Variants in ATP8A1 observed in about 807,000 individuals in gnomAD.
ATP8A1 encodes phospholipid-transporting ATPase IA.
Under a neutral mutation model 177.7 loss-of-function variants are expected in ATP8A1, and 90 were observed. The observed-to-expected ratio is 0.51, with a 90% CI of 0.43 to 0.60. The LOEUF is 0.60. Ranked by LOEUF, ATP8A1 falls within the 20% of genes least tolerant of loss-of-function variation. The pLI, the probability that ATP8A1 is intolerant of heterozygous loss-of-function variation, is 0.00. For missense variants in ATP8A1, 1,072 were observed against 1,392.8 expected, an observed-to-expected ratio of 0.77 and a Z score of 3.67; for synonymous variants, 493 against 485.9, an observed-to-expected ratio of 1.01 and a Z score of -0.19.
intron 20 of ATP8A1, among the ~76,000 whole-genome samples, chr4:42,528,303 C>T (rs546856365): frequency 1.3e-5 from 2 of 152,262 alleles, no homozygotes; most frequent in South Asian, 4.1e-4. Flanking sequence ...GCCATGAGAG[C>T]TGCCTCTCCC....
At chr4:42,562,613 C>T (rs1730950450) in intron 15 of ATP8A1, among the ~76,000 whole-genome samples, 1 of 152,148 alleles carries the variant, frequency 6.6e-6, no homozygotes, top group Non-Finnish European at 1.5e-5. Context: ...AGTAATGAGG[C>T]CTGGTTTTCT....
intron 25 of ATP8A1, among the ~76,000 whole-genome samples, chr4:42,468,114 T>C (rs1466785380): frequency 6.6e-6 from 1 of 152,184 alleles, no homozygotes; most frequent in Non-Finnish European, 1.5e-5. Flanking sequence ...AGGGAACACT[T>C]CTACACCGCT....
chr4:42,583,126 A>G (rs1011089998), intron 9 of ATP8A1, among the ~76,000 whole-genome samples: 3 of 152,092 alleles, frequency 2.0e-5, no homozygotes, highest in Non-Finnish European at 4.4e-5. Context: ...CTGGCCCAGT[A>G]GGCTTGGAAG....
In ATP8A1 at chr4:42,588,392, A is replaced by C. The variant is rs377164398; in HGVS notation, c.525-63T>G. The C allele has an allele frequency of 6.6e-6, 9 of 1,367,726 alleles. No homozygotes were observed. The East Asian group carries it at 1.2e-4, about 18-fold the overall frequency. 84.7% of individuals were successfully genotyped at this position (1,367,726 alleles called of 1,614,324 possible). On this transcript the variant is annotated intron_variant, in intron 7 of 36. Transcript: ENST00000381668. ...GGGAAGAAAAGCATAATAATAACTT[A>C]TTTAAATGCTCAGACTCACTAAAGC...
intron 19 of ATP8A1, among the ~76,000 whole-genome samples, chr4:42,546,804 C>G (rs974144542): frequency 6.6e-6 from 1 of 152,212 alleles, no homozygotes; most frequent in African/African-American, 2.4e-5. Flanking sequence ...GTCTCCGACA[C>G]AGATGACCAC....
At chr4:42,513,713 G>C (rs1001968307) in intron 22 of ATP8A1, among the ~76,000 whole-genome samples, 1 of 152,208 alleles carries the variant, frequency 6.6e-6, no homozygotes, top group African/African-American at 2.4e-5. Flanking sequence ...AAAGGTCTGT[G>C]TGTTATGCTG....
chr4:42,620,527 T>C (rs976771764), intron 4 of ATP8A1, among the ~76,000 whole-genome samples: 2 of 152,162 alleles, frequency 1.3e-5, no homozygotes, highest in African/African-American at 4.8e-5. Context: ...CTAGAGAGAT[T>C]ATAGCTTTGC....
chr4:42,554,078 G>A (rs908696967), intron 16 of ATP8A1, among the ~76,000 whole-genome samples: 15 of 152,210 alleles, frequency 9.9e-5, no homozygotes, highest in African/African-American at 3.6e-4. Flanking sequence ...AGTGAAGAGA[G>A]AACGCAGAGA....
intron 6 of ATP8A1, among the ~76,000 whole-genome samples, chr4:42,595,191 G>A (rs1282393330): frequency 2.6e-5 from 4 of 151,918 alleles, no homozygotes; most frequent in African/African-American, 9.7e-5. Flanking sequence ...ATACTTAATA[G>A]ATGGAAAAAA....
At chr4:42,545,929 G>C (rs1225954390) in intron 19 of ATP8A1, among the ~76,000 whole-genome samples, 2 of 152,112 alleles carry the variant, frequency 1.3e-5, no homozygotes, top group Non-Finnish European at 2.9e-5. Flanking sequence ...AGCTGAGATC[G>C]AGCCACTGTA....
intron 25 of ATP8A1, 69 bp from the exon 26 acceptor site, chr4:42,465,145 A>C (rs1719600021): frequency 2.2e-6 from 3 of 1,371,874 alleles, no homozygotes; most frequent in Non-Finnish European, 3.0e-6. Flanking sequence ...ATCGTGTTGA[A>C]GGATAAAAGA....
intron 22 of ATP8A1, among the ~76,000 whole-genome samples, chr4:42,516,358 GA>G (rs112033575): frequency 0.088 from 13,420 of 151,820 alleles, 894 homozygotes; most frequent in African/African-American, 0.18. Flanking sequence ...ACCTATTTTA[GA>G]AAAACTTGAA....
At chr4:42,607,635 T>G (rs1330118555) in intron 5 of ATP8A1, among the ~76,000 whole-genome samples, 1 of 148,146 alleles carries the variant, frequency 6.8e-6, no homozygotes, top group African/African-American at 2.5e-5. Flanking sequence ...TCTACAGGTT[T>G]TTTTTTTTTT....
rs1484800099 is a variant in ATP8A1, at chr4:42,411,747, T to C, written c.*1169A>G. On this transcript the variant is annotated 3_prime_UTR_variant, in exon 37 of 37. Coordinates refer to ENST00000381668, the MANE Select transcript of ATP8A1 (RefSeq NM_006095.2). Reference sequence around the variant, plus strand: ...CCGCATTTTTTAAATGGGGAAAATGTACTACCTATTTGTCCCAATAAGCAG... The same window carrying C: ...CCGCATTTTTTAAATGGGGAAAATGCACTACCTATTTGTCCCAATAAGCAG... 6.6e-6 allele frequency: 1 copy of C among 152,216 alleles called. No individual in the cohort carries two copies. The highest frequency in any genetic ancestry group is 1.9e-4 in the East Asian group (1 of 5,202). The allele number at this position is 152,216 out of a possible 1,614,324, so 9.4% of individuals were successfully genotyped here. A position where few individuals can be genotyped will look rare whatever the true frequency, so the allele number is the denominator to read the frequency against.
intron 25 of ATP8A1, among the ~76,000 whole-genome samples, chr4:42,472,733 G>A (rs1186356352): frequency 1.5e-5 from 2 of 135,944 alleles, no homozygotes; most frequent in Admixed American, 8.0e-5. Context: ...TCAGGTGACA[G>A]TGCGAGACTG....
chr4:42,416,124 G>C (rs1713213366), intron 35 of ATP8A1, among the ~76,000 whole-genome samples: 1 of 152,178 alleles, frequency 6.6e-6, no homozygotes, highest in South Asian at 2.1e-4. Context: ...TTACAGAGTT[G>C]CTTTCTTACT....
chr4:42,485,345 T>G, intron 25 of ATP8A1, 151 bp downstream of exon 25: 1 of 576,960 alleles, frequency 1.7e-6, no homozygotes, highest in Non-Finnish European at 2.8e-6. Context: ...ACAAATTCCA[T>G]CCCAGTTTGT....
At chr4:42,450,150 C>A (rs556219859) in intron 30 of ATP8A1, among the ~76,000 whole-genome samples, 1 of 152,228 alleles carries the variant, frequency 6.6e-6, no homozygotes, top group East Asian at 1.9e-4. Context: ...AAAAATGTGG[C>A]ATATCTATAC....
At chr4:42,439,760 C>T (rs1190441929) in intron 33 of ATP8A1, among the ~76,000 whole-genome samples, 2 of 152,170 alleles carry the variant, frequency 1.3e-5, no homozygotes, top group African/African-American at 2.4e-5. Flanking sequence ...GATTTCCTTT[C>T]CTTTACAAAT....
Sources: gnomAD v4.1 joint callset for allele counts (sites outside exome capture counted in the v4.1 genomes callset) on GRCh38, gnomAD v4.1.1 for gene constraint, MANE v1.5 for transcripts, NCBI Gene and HGNC (gene_info 2026-07-23, HGNC 2026-07-21) for gene names.